The following POLI variants were observed in gnomAD, a reference collection of about 807,000 sequenced individuals.
POLI encodes DNA polymerase iota.
A neutral mutation model predicts 51.6 loss-of-function variants in POLI; 58 were observed. The ratio of observed to expected loss-of-function variants is 1.12; its 90% CI spans 0.91 to 1.40. POLI has a LOEUF of 1.40. Among genes scored for constraint, POLI ranks in the 40% most tolerant of loss-of-function variants. The pLI is 0.00. For missense variants in POLI, 921 were observed against 871.3 expected (o/e 1.06, Z -0.72); for synonymous variants, 322 against 299.7 (o/e 1.07, Z -0.77).
intron 3 of POLI, among the ~76,000 whole-genome samples, chr18:54,309,716 T>G (rs779459398): frequency 4.6e-5 from 7 of 152,204 alleles, no homozygotes; most frequent in Non-Finnish European, 7.3e-5. Flanking sequence ...CAGGCCTCAT[T>G]GAGCTGCGGT....
At chr18:54,287,547 G>T in intron 8 of POLI, 136 bp downstream of exon 8, 1 of 584,844 alleles carries the variant, frequency 1.7e-6, no homozygotes, top group Non-Finnish European at 3.0e-6. Context: ...TATTCTATCA[G>T]GAATTTTCAC....
At chr18:54,291,545 C>T (rs575122132) in intron 8 of POLI, 1 of 216,734 alleles carries the variant, frequency 4.6e-6, no homozygotes, top group African/African-American at 2.3e-5. Flanking sequence ...TGGTTCATTT[C>T]CAGATTTCCA....
At chr18:54,317,184 T>TA (rs1482340869) in intron 3 of POLI, among the ~76,000 whole-genome samples, 1 of 152,190 alleles carries the variant, frequency 6.6e-6, no homozygotes, top group Middle Eastern at 3.2e-3. Context: ...TATGAGAACA[T>TA]ACAAAGGCTA....
In POLI at chr18:54,277,812, A is replaced by G. The variant is rs2087316382; in HGVS notation, c.516A>G (p.Glu172=). ...GACTACAGCAGCTGCAAAGTGATGA[A>G]CTTTCTGCGGTGACTGTGTCGGGTC... ...EKRLQQLQSD[E]LSAVTVSGHV... is the part of the protein sequence containing the mutation. The change falls in exon 4 of 10, where the codon GAA becomes GAG. Residue 172 remains glutamate, a synonymous_variant. Coordinates refer to ENST00000579534, the MANE Select transcript of POLI (RefSeq NM_007195.3). The G allele has an allele frequency of 6.2e-7, 1 of 1,613,126 alleles. No individual in the cohort carries two copies. Among genetic ancestry groups the G allele is most frequent in the African/African-American group, 1.3e-5 (1 of 75,018 alleles).
intron 3 of POLI, among the ~76,000 whole-genome samples, chr18:54,305,894 G>A (rs1008184416): frequency 2.6e-5 from 4 of 152,060 alleles, no homozygotes; most frequent in African/African-American, 7.2e-5. Context: ...GAGTAGCTGG[G>A]ACTACAGGTG....
intron 3 of POLI, among the ~76,000 whole-genome samples, chr18:54,312,690 C>A (rs2088684023): frequency 6.6e-6 from 1 of 152,122 alleles, no homozygotes; most frequent in East Asian, 1.9e-4. Flanking sequence ...TTTTGGATTG[C>A]ATTTCTCTGA....
Position 54,295,772 on chromosome 18 carries a change from C to G in POLI, c.*1305C>G, listed in dbSNP as rs910368287. ...CCTCCTGAGTAGCTGGGATTACACG[C>G]ATGCCCTACCACACCCAGCAAATTT... On this transcript the variant is annotated 3_prime_UTR_variant, in exon 10 of 10. Transcript: ENST00000579534. 6 of 192,390 alleles carry G rather than the reference C, an allele frequency of 3.1e-5. No individual in the cohort carries two copies. The highest frequency in any genetic ancestry group is 6.5e-5 in the Admixed American group (1 of 15,310). The allele number at this position is 192,390 out of a possible 1,614,324, so 11.9% of individuals were successfully genotyped here.
chr18:54,288,763 G>A (rs1443697384), intron 8 of POLI, among the ~76,000 whole-genome samples: 1 of 151,644 alleles, frequency 6.6e-6, no homozygotes, highest in Non-Finnish European at 1.5e-5. Context: ...TTTGGTTACT[G>A]TACTTTTTAA....
intron 8 of POLI, among the ~76,000 whole-genome samples, chr18:54,288,601 T>C (rs1052930227): frequency 2.6e-5 from 4 of 152,108 alleles, no homozygotes; most frequent in Non-Finnish European, 5.9e-5. Context: ...TTCCACCCTG[T>C]GGTGGTCTCT....
chr18:54,273,744 C>G (rs1246583154), intron 2 of POLI, among the ~76,000 whole-genome samples, 182 bp from the exon 3 acceptor site: 2 of 151,878 alleles, frequency 1.3e-5, no homozygotes, highest in Non-Finnish European at 2.9e-5. Flanking sequence ...GCTTGAAAAC[C>G]TAATGTTTCT....
chr18:54,299,076 C>T (rs529217468), downstream of POLI, among the ~76,000 whole-genome samples: 1 of 152,310 alleles, frequency 6.6e-6, no homozygotes, highest in South Asian at 2.1e-4. Context: ...AGGCCTACCT[C>T]AGACATACTC....
rs2088416609 is a variant in POLI, at chr18:54,298,004, G to A, written c.*3537G>A. On this transcript the variant is annotated 3_prime_UTR_variant, in exon 10 of 10. Coordinates refer to ENST00000579534, the MANE Select transcript of POLI (RefSeq NM_007195.3). Reference sequence around the variant, plus strand: ...TTCTAAGATAATATCTTTTACTTTGGAGATACGCAGTTTTTATTATATGTC... The same window carrying A: ...TTCTAAGATAATATCTTTTACTTTGAAGATACGCAGTTTTTATTATATGTC... 1.0e-6 allele frequency: 1 copy of A among 978,472 alleles called. No homozygotes were observed. Among genetic ancestry groups the A allele is most frequent in the Non-Finnish European group, 1.2e-6 (1 of 823,906 alleles). 60.6% of individuals were successfully genotyped at this position (978,472 alleles called of 1,614,324 possible). A position where few individuals can be genotyped will look rare whatever the true frequency, so the allele number is the denominator to read the frequency against.
Position 54,280,678 on chromosome 18 carries a change from C to T in POLI, c.571C>T (p.Leu191Phe), listed in dbSNP as rs960813456. Residue 191 changes from leucine to phenylalanine, a missense_variant, in exon 5 of 10, where the codon CTT becomes TTT. Transcript: ENST00000579534. ...TGTTGTTTTTAAAGCTATAAACCTG[C>T]TTGACGTCTTGCACATCAGACTACT... ...HVYNNQSINL[L>F]DVLHIRLLVG... is the part of the protein sequence containing the mutation. 1 of 1,608,912 alleles carries T rather than the reference C, an allele frequency of 6.2e-7. No individual in the cohort carries two copies. Among genetic ancestry groups the T allele is most frequent in the Non-Finnish European group, 8.5e-7 (1 of 1,175,334 alleles).
chr18:54,293,702 G>A lies in POLI; in HGVS notation c.1458G>A (p.Arg486=), dbSNP rs1199838267. The A allele has an allele frequency of 1.3e-6, 2 of 1,597,168 alleles. No individual in the cohort carries two copies. Among genetic ancestry groups the A allele is most frequent in the African/African-American group, 2.7e-5 (2 of 73,882 alleles). ...TTCCCAAAGACAAAGAAACAAACCGGGATTTCCTACCAAGTGGAAGAATTG... is the reference window on the plus strand; with the variant it reads ...TTCCCAAAGACAAAGAAACAAACCGAGATTTCCTACCAAGTGGAAGAATTG... ...EDFPKDKETN[R]DFLPSGRIES... Residue 486 remains arginine (R), a synonymous_variant, in exon 10 of 10, where the codon CGG becomes CGA. Transcript: ENST00000579534.
intron 9 of POLI, among the ~76,000 whole-genome samples, chr18:54,292,836 T>A (rs907833905): frequency 5.3e-5 from 8 of 152,066 alleles, no homozygotes; most frequent in African/African-American, 1.9e-4. Context: ...TTATTAAATT[T>A]AAAAAAGTGT....
chr18:54,292,842 A>G (rs943407359), intron 9 of POLI, among the ~76,000 whole-genome samples: 2 of 152,050 alleles, frequency 1.3e-5, no homozygotes, highest in Non-Finnish European at 2.9e-5. Context: ...AATTTAAAAA[A>G]GTGTTTTCTT....
At chr18:54,304,202 G>T (rs1323451808) in intron 3 of POLI, among the ~76,000 whole-genome samples, 2 of 152,126 alleles carry the variant, frequency 1.3e-5, no homozygotes, top group East Asian at 1.9e-4. Context: ...GCTATAGTGA[G>T]TAGTGACACA....
At position 54,294,128 on chromosome 18, in the gene POLI, A is replaced by G. The variant is rs1472546024; in HGVS notation, c.1884A>G (p.Arg628=). Residue 628 remains arginine (R), a synonymous_variant, in exon 10 of 10, where the codon AGA becomes AGG. Coordinates refer to ENST00000579534, the MANE Select transcript of POLI (RefSeq NM_007195.3). ...QKDYSYYLDN[R]LKDERISQGP... ...ATTATTCATATTATTTAGATAATAG[A>G]TTAAAAGATGAACGAATAAGTCAAG... 6.2e-7 allele frequency: 1 copy of G among 1,608,970 alleles called. No individual in the cohort carries two copies. Among genetic ancestry groups the G allele is most frequent in the Non-Finnish European group, 8.5e-7 (1 of 1,175,622 alleles).
At position 54,296,784 on chromosome 18, in the gene POLI, T is replaced by C; in HGVS notation, c.*2317T>C. On this transcript the variant is annotated 3_prime_UTR_variant, in exon 10 of 10. Transcript: ENST00000579534. ...ATGATGGTTTTAATTTCAATAAATATATTTTTCATTTGATTCTTTTTAACT... is the reference window on the plus strand; with the variant it reads ...ATGATGGTTTTAATTTCAATAAATACATTTTTCATTTGATTCTTTTTAACT... 1 of 449,314 alleles carries C rather than the reference T, an allele frequency of 2.2e-6. No homozygotes were observed. Among genetic ancestry groups the C allele is most frequent in the African/African-American group, 2.2e-5 (1 of 46,128 alleles). 27.8% of individuals were successfully genotyped at this position (449,314 alleles called of 1,614,324 possible).
Sources: gnomAD v4.1 joint callset for allele counts (sites outside exome capture counted in the v4.1 genomes callset) on GRCh38, gnomAD v4.1.1 for gene constraint, MANE v1.5 for transcripts, NCBI Gene and HGNC (gene_info 2026-07-23, HGNC 2026-07-21) for gene names.